Variants in PDZRN3 observed in about 807,000 individuals in gnomAD.
The protein encoded by PDZRN3 is E3 ubiquitin-protein ligase PDZRN3.
In PDZRN3, 38 loss-of-function variants were observed where a neutral mutation model predicts 85.7. The observed-to-expected ratio is 0.44, with a 90% CI of 0.34 to 0.58. PDZRN3 has a LOEUF of 0.58. Among genes scored for constraint, PDZRN3 ranks in the 20% least tolerant of loss-of-function variants. The pLI is 0.01. For missense variants in PDZRN3, 1,629 were observed against 1,506.4 expected, an observed-to-expected ratio of 1.08 and a Z score of -1.35; for synonymous variants, 759 against 638.0, an observed-to-expected ratio of 1.19 and a Z score of -2.86.
chr3:73,515,053 T>G (rs1301492410), intron 3 of PDZRN3, among the ~76,000 whole-genome samples: 1 of 152,028 alleles, frequency 6.6e-6, no homozygotes, highest in African/African-American at 2.4e-5. Flanking sequence ...ACCCCAGTAC[T>G]TTACCCCTAC....
intron 3 of PDZRN3, among the ~76,000 whole-genome samples, chr3:73,601,637 G>A (rs1221266515): frequency 6.6e-6 from 1 of 152,100 alleles, no homozygotes; most frequent in African/African-American, 2.4e-5. Context: ...CATATGAGAA[G>A]GCAACAAATC....
At chr3:73,490,720 T>C (rs570274948) in intron 3 of PDZRN3, among the ~76,000 whole-genome samples, 7 of 152,308 alleles carry the variant, frequency 4.6e-5, no homozygotes, top group African/African-American at 1.7e-4. Context: ...AAAATGACCT[T>C]TCTAATGAAG....
chr3:73,529,275 A>G (rs1363626813), intron 3 of PDZRN3, among the ~76,000 whole-genome samples: 1 of 152,194 alleles, frequency 6.6e-6, no homozygotes, highest in Non-Finnish European at 1.5e-5. Flanking sequence ...GAGACCGTGC[A>G]AGTGTTTGGT....
intron 5 of PDZRN3, among the ~76,000 whole-genome samples, chr3:73,391,590 A>G (rs1421198650): frequency 6.6e-6 from 1 of 152,212 alleles, no homozygotes; most frequent in Non-Finnish European, 1.5e-5. Flanking sequence ...CCAAGAAAGG[A>G]GGGTAATGTG....
chr3:73,415,828 A>C (rs544870598), intron 3 of PDZRN3, among the ~76,000 whole-genome samples: 1 of 152,188 alleles, frequency 6.6e-6, no homozygotes, highest in Non-Finnish European at 1.5e-5. Context: ...ACCTGTACAT[A>C]TGTGTAATGA....
chr3:73,421,811 CTCT>C (rs1363283685), intron 3 of PDZRN3, among the ~76,000 whole-genome samples: 2 of 152,116 alleles, frequency 1.3e-5, no homozygotes, highest in Non-Finnish European at 2.9e-5. Flanking sequence ...CCACGACCAG[CTCT>C]TTTTTTGTAT....
intron 3 of PDZRN3, among the ~76,000 whole-genome samples, chr3:73,479,037 G>A (rs1703511263): frequency 6.6e-6 from 1 of 152,190 alleles, no homozygotes. Flanking sequence ...ATGAACATCT[G>A]TTCACTATCA....
At chr3:73,400,822 C>T in intron 5 of PDZRN3, 100 bp downstream of exon 5, 1 of 844,140 alleles carries the variant, frequency 1.2e-6, no homozygotes, top group Non-Finnish European at 2.0e-6. Flanking sequence ...TGTTACTTTC[C>T]ATCGGCATCC....
intron 5 of PDZRN3, among the ~76,000 whole-genome samples, chr3:73,392,155 C>T (rs749259128): frequency 3.3e-5 from 5 of 152,328 alleles, no homozygotes; most frequent in African/African-American, 7.2e-5. Flanking sequence ...CCAGGCGCCA[C>T]GGACACTTCC....
At chr3:73,440,942 T>C (rs935493038) in intron 3 of PDZRN3, among the ~76,000 whole-genome samples, 1 of 152,172 alleles carries the variant, frequency 6.6e-6, no homozygotes. Flanking sequence ...AGTCTGTGGG[T>C]GTGCACTAAA....
chr3:73,522,329 T>G (rs1381359471), intron 3 of PDZRN3, among the ~76,000 whole-genome samples: 1 of 152,236 alleles, frequency 6.6e-6, no homozygotes, highest in African/African-American at 2.4e-5. Context: ...ATTTAACTTT[T>G]AGACTTTCCA....
At chr3:73,521,493 G>A (rs1057259773) in intron 3 of PDZRN3, among the ~76,000 whole-genome samples, 2 of 151,918 alleles carry the variant, frequency 1.3e-5, no homozygotes, top group African/African-American at 2.4e-5. Flanking sequence ...TCCATCACAC[G>A]ACCTAAAAAC....
intron 3 of PDZRN3, among the ~76,000 whole-genome samples, chr3:73,558,335 T>C (rs1701744691): frequency 6.6e-6 from 1 of 152,214 alleles, no homozygotes; most frequent in Admixed American, 6.5e-5. Flanking sequence ...TGTGATAAGT[T>C]TCTTCTAAGG....
At chr3:73,563,789 T>C (rs1701886523) in intron 3 of PDZRN3, among the ~76,000 whole-genome samples, 1 of 152,172 alleles carries the variant, frequency 6.6e-6, no homozygotes, top group South Asian at 2.1e-4. Context: ...TCCTATGAGG[T>C]ATAATTATCA....
chr3:73,500,761 C>T (rs1219556496), intron 3 of PDZRN3, among the ~76,000 whole-genome samples: 1 of 152,168 alleles, frequency 6.6e-6, no homozygotes, highest in Non-Finnish European at 1.5e-5. Context: ...GTCATTTCTA[C>T]CTCTGTCCAC....
intron 3 of PDZRN3, among the ~76,000 whole-genome samples, chr3:73,462,869 A>G (rs1032645347): frequency 2.6e-5 from 4 of 152,158 alleles, no homozygotes; most frequent in African/African-American, 4.8e-5. Context: ...ACTTTTACAA[A>G]TGAGAAAGGA....
chr3:73,478,088 A>G lies in PDZRN3; in HGVS notation c.919-73693T>C, dbSNP rs140316755. Among the ~76,000 whole-genome samples, 516 of 152,314 alleles carry G rather than the reference A, an allele frequency of 3.4e-3. 2 individuals carry two copies. The highest frequency in any genetic ancestry group is 6.8e-3 in the Middle Eastern group (2 of 294). ...CACAGCCAAATGACATCACTTTGAG[A>G]TGAAATCAAAGCAAAGAAGGGTGAA... On this transcript the variant is annotated intron_variant, in intron 3 of 9. Transcript: ENST00000263666.
At chr3:73,473,215 G>A (rs977550697) in intron 3 of PDZRN3, among the ~76,000 whole-genome samples, 4 of 152,136 alleles carry the variant, frequency 2.6e-5, no homozygotes, top group Non-Finnish European at 5.9e-5. Flanking sequence ...TGTAGTTATA[G>A]TTCTCTGACC....
At chr3:73,544,754 A>C (rs1443550801) in intron 3 of PDZRN3, among the ~76,000 whole-genome samples, 1 of 152,132 alleles carries the variant, frequency 6.6e-6, no homozygotes, top group East Asian at 1.9e-4. Flanking sequence ...AAAATGCTAT[A>C]AAATCATGTG....
Sources: allele counts gnomAD v4.1 joint callset (sites outside exome capture counted in the v4.1 genomes callset), GRCh38; gene constraint gnomAD v4.1.1; transcripts MANE v1.5; gene names NCBI Gene and HGNC (gene_info 2026-07-23, HGNC 2026-07-21).